AQP2: variants seen among roughly 807,000 people sequenced by gnomAD.
The protein encoded by AQP2 is aquaporin 2.
AQP2 carries 20 observed loss-of-function variants against 21.6 expected under a neutral mutation model. The ratio of observed to expected loss-of-function variants is 0.92; its 90% confidence interval spans 0.65 to 1.34. AQP2 has a LOEUF of 1.34. AQP2 is among the 40% of genes most tolerant of loss of function. AQP2 has a pLI of 0.00. For missense variants in AQP2, 325 were observed against 363.4 expected (o/e 0.89, Z 0.86); for synonymous variants, 168 against 166.9 (o/e 1.01, Z -0.05).
intron 1 of AQP2, among the ~76,000 whole-genome samples, chr12:49,953,876 C>T (rs1348531786): frequency 1.3e-5 from 2 of 152,234 alleles, no homozygotes; most frequent in African/African-American, 4.8e-5. Context: ...TCTCATACTG[C>T]AGGCTCCCAG....
rs763411947 is a variant in AQP2, at chr12:49,954,397, C to G, written c.525+78C>G. 3 of 1,473,444 alleles carry G rather than the reference C, an allele frequency of 2.0e-6. No individual in the cohort carries two copies. The East Asian group carries it at 7.2e-5, about 35-fold the overall frequency. 91.3% of individuals were successfully genotyped at this position (1,473,444 alleles called of 1,614,324 possible). ...ACTCCAGAGACAGACACAGAGACCCCAAGAGGGACACATACACAGAACTCT... is the reference window on the plus strand; with the variant it reads ...ACTCCAGAGACAGACACAGAGACCCGAAGAGGGACACATACACAGAACTCT... On this transcript the variant is annotated intron_variant, in intron 2 of 3. Coordinates refer to ENST00000199280, the MANE Select transcript of AQP2 (RefSeq NM_000486.6).
chr12:49,951,696 T>C (rs546244012), intron 1 of AQP2: 9 of 154,562 alleles, frequency 5.8e-5, no homozygotes, highest in African/African-American at 2.2e-4. Context: ...GCATACTCAC[T>C]TCTCCAAACC....
chr12:49,955,597 A>G lies in AQP2; in HGVS notation c.805A>G (p.Thr269Ala), dbSNP rs1261913733. 1.9e-6 allele frequency: 3 copies of G among 1,568,554 alleles called. No individual in the cohort carries two copies. Among genetic ancestry groups the G allele is most frequent in the South Asian group, 1.1e-5 (1 of 87,014 alleles). The change falls in exon 4 of 4, where the codon ACC becomes GCC. Residue 269 changes from threonine to alanine, a missense_variant. Transcript: ENST00000199280. The part of the protein sequence containing the change: ...LHSPQSLPRG[T>A]KA ...CTCGCCGCAGAGCCTGCCACGGGGT[A>G]CCAAGGCCTGAGGGCCGCCAGCGGC... is the stretch of plus-strand genomic sequence containing the variant.
At chr12:49,954,008 G>A (rs148207709) in intron 1 of AQP2, 147 bp from the exon 2 acceptor site, 30 of 1,142,800 alleles carry the variant, frequency 2.6e-5, no homozygotes, top group Admixed American at 1.7e-4. Flanking sequence ...GGGATCAGTC[G>A]TTGCAGCTAA....
rs1222171942 is a variant in AQP2 at position 49,951,183 on chromosome 12, T to C, written c.353T>C (p.Val118Ala). Residue 118 changes from valine (V) to alanine (A), a missense_variant, in exon 1 of 4, where the codon GTC (valine) becomes GCC (alanine). Physicochemically the swap from Val to Ala is moderately conservative, Grantham distance 64. Coordinates refer to ENST00000199280, the MANE Select transcript of AQP2 (RefSeq NM_000486.6). ...TPADIRGDLA[V>A]NALSNSTTAG... ...GCAGACATCCGCGGGGACCTGGCTG[T>C]CAATGCTGTGAGTAGCCACAACTTT... The C allele has an allele frequency of 6.2e-7, 1 of 1,604,490 alleles. No homozygotes were observed. Among genetic ancestry groups the C allele is most frequent in the South Asian group, 1.1e-5 (1 of 89,424 alleles).
At chr12:49,953,585 G>A (rs1305158909) in intron 1 of AQP2, among the ~76,000 whole-genome samples, 1 of 152,206 alleles carries the variant, frequency 6.6e-6, no homozygotes, top group African/African-American at 2.4e-5. Context: ...GAAAGGCAGT[G>A]GGGAATAGAC....
intron 1 of AQP2, among the ~76,000 whole-genome samples, chr12:49,952,786 C>T (rs1054699040): frequency 1.3e-5 from 2 of 152,158 alleles, no homozygotes; most frequent in African/African-American, 4.8e-5. Flanking sequence ...GACCAACTTG[C>T]TCTGAGGCTA....
chr12:49,954,064 C>T, intron 1 of AQP2, 91 bp from the exon 2 acceptor site: 1 of 1,556,216 alleles, frequency 6.4e-7, no homozygotes, highest in Non-Finnish European at 8.7e-7. Context: ...CCAGAGGCCC[C>T]CTGGTGCCTC....
rs529388515 is a variant in AQP2, at chr12:49,951,149, A to C, written c.319A>C (p.Ile107Leu). The C allele has an allele frequency of 1.6e-5, 25 of 1,606,150 alleles. No homozygotes were observed. Among genetic ancestry groups the C allele is most frequent in the South Asian group, 7.7e-5 (7 of 90,390 alleles). The change falls in exon 1 of 4, where the codon ATC becomes CTC. Residue 107 changes from isoleucine (I) to leucine (L), a missense_variant. Transcript: ENST00000199280. ...GGCCGGAGCCGCTCTGCTCCATGAG[A>C]TCACGCCAGCAGACATCCGCGGGGA... ...AVAGAALLHE[I>L]TPADIRGDLA... is the part of the protein sequence containing the mutation.
rs1947374552 is a variant in AQP2, at chr12:49,956,912, G to GGACCAGAGAAGGGAAATGACTT, written c.*1305_*1326dup. ...TGGATAGAGCAGCCTGCTGCTCTCAGGACCAGAGAAGGGAAATGACTTCTC... is the reference window on the plus strand; with the variant it reads ...TGGATAGAGCAGCCTGCTGCTCTCAGGACCAGAGAAGGGAAATGACTTGACCAGAGAAGGGAAATGACTTCTC... On this transcript the variant is annotated 3_prime_UTR_variant, in exon 4 of 4. Coordinates refer to ENST00000199280, the MANE Select transcript of AQP2 (RefSeq NM_000486.6). 1.3e-5 allele frequency: 2 copies of GGACCAGAGAAGGGAAATGACTT among 152,586 alleles called. No homozygotes were observed. Among genetic ancestry groups the GGACCAGAGAAGGGAAATGACTT allele is most frequent in the South Asian group, 4.1e-4 (2 of 4,832 alleles). 9.5% of individuals were successfully genotyped at this position (152,586 alleles called of 1,614,324 possible).
intron 3 of AQP2, 38 bp from the exon 4 acceptor site, chr12:49,955,361 G>C: frequency 6.2e-7 from 1 of 1,601,184 alleles, no homozygotes; most frequent in South Asian, 1.1e-5. Context: ...TGCCGGTGCC[G>C]GCGCGGGTGC....
Position 49,955,799 on chromosome 12 carries a change from T to G in AQP2, c.*191T>G, listed in dbSNP as rs1592817173. 2.5e-6 allele frequency: 2 copies of G among 801,996 alleles called. No individual in the cohort carries two copies. The highest frequency in any genetic ancestry group is 4.2e-6 in the Non-Finnish European group (2 of 479,222). The allele number at this position is 801,996 out of a possible 1,614,324, so 49.7% of individuals were successfully genotyped here. A position where few individuals can be genotyped will look rare whatever the true frequency, so the allele number is the denominator to read the frequency against. ...AGGCTGCCGGAGGGAGCCCTGAGCC[T>G]GGCAGGTCCCCTGCCCTGAGGCTGT... On this transcript the variant is annotated 3_prime_UTR_variant, in exon 4 of 4. Coordinates refer to ENST00000199280, the MANE Select transcript of AQP2 (RefSeq NM_000486.6).
Position 49,955,978 on chromosome 12 carries a change from G to T in AQP2, c.*370G>T, listed in dbSNP as rs947579648. ...GAGTGTACAGACCCCTGCCTTGGGG[G>T]TTCCGGGAATGATGCAACTGGTTTT... On this transcript the variant is annotated 3_prime_UTR_variant, in exon 4 of 4. Transcript: ENST00000199280. 2.2e-6 allele frequency: 1 copy of T among 453,780 alleles called. No homozygotes were observed. Among genetic ancestry groups the T allele is most frequent in the Admixed American group, 3.5e-5 (1 of 28,372 alleles). 28.1% of individuals were successfully genotyped at this position (453,780 alleles called of 1,614,324 possible).
rs747501600 is a variant in AQP2, at chr12:49,955,355, G to T, written c.607-44G>T. ...CCGGGGCCTGCGGGCTCCGCGTGCC[G>T]GTGCCGGCGCGGGTGCCAAGCCGCC... On this transcript the variant is annotated intron_variant, in intron 3 of 3. Transcript: ENST00000199280. The T allele has an allele frequency of 6.3e-6, 10 of 1,593,548 alleles. No individual in the cohort carries two copies. The Admixed American group carries it at 1.2e-4, about 19-fold the overall frequency.
intron 1 of AQP2, among the ~76,000 whole-genome samples, chr12:49,953,627 CAT>C (rs1947345098): frequency 6.6e-6 from 1 of 151,958 alleles, no homozygotes; most frequent in African/African-American, 2.4e-5. Flanking sequence ...ATTCCGGACT[CAT>C]AGCGGAAAGG....
intron 1 of AQP2, 74 bp from the exon 2 acceptor site, chr12:49,954,081 A>G: frequency 2.5e-6 from 4 of 1,582,716 alleles, no homozygotes; most frequent in Non-Finnish European, 3.4e-6. Flanking sequence ...CCTCGACTGC[A>G]GGTGGACAGG....
At chr12:49,955,049 G>A (rs1436446844) in intron 3 of AQP2, among the ~76,000 whole-genome samples, 1 of 152,204 alleles carries the variant, frequency 6.6e-6, no homozygotes, top group Non-Finnish European at 1.5e-5. Context: ...GGTGAGCCTT[G>A]TTCTGAGTGC....
chr12:49,954,187 G>C lies in AQP2; in HGVS notation c.393G>C (p.Val131=). 1 of 1,601,010 alleles carries C rather than the reference G, an allele frequency of 6.2e-7. No individual in the cohort carries two copies. Among genetic ancestry groups the C allele is most frequent in the Non-Finnish European group, 8.5e-7 (1 of 1,179,958 alleles). Residue 131 remains valine (V), a synonymous_variant, in exon 2 of 4, where the codon GTG becomes GTC. Transcript: ENST00000199280. ...LSNSTTAGQA[V]TVELFLTLQL... ...ACAGCACGACGGCTGGCCAGGCGGT[G>C]ACTGTGGAGCTCTTCCTGACACTGC...
chr12:49,955,694 T>G lies in AQP2; in HGVS notation c.*86T>G. 6.8e-7 allele frequency: 1 copy of G among 1,476,090 alleles called. No homozygotes were observed. The allele number at this position is 1,476,090 out of a possible 1,614,324, so 91.4% of individuals were successfully genotyped here. ...CACCCCGTCCCTCCTCTCCCGCAGG[T>G]CTGAAGTTGGCCCCCCAGCGCAGAG... On this transcript the variant is annotated 3_prime_UTR_variant, in exon 4 of 4. Transcript: ENST00000199280.
Sources: gnomAD v4.1 joint callset for allele counts (sites outside exome capture counted in the v4.1 genomes callset) on GRCh38, gnomAD v4.1.1 for gene constraint, MANE v1.5 for transcripts, NCBI Gene and HGNC (gene_info 2026-07-23, HGNC 2026-07-21) for gene names.